The following DNAH1 variants were observed in gnomAD, a reference collection of about 807,000 sequenced individuals.
DNAH1 encodes dynein axonemal heavy chain 1.
Under a neutral mutation model 484.3 loss-of-function variants are expected in DNAH1, and 327 were observed. The observed-to-expected ratio is 0.68, with a 90% CI of 0.62 to 0.74. The LOEUF (loss-of-function observed/expected upper bound fraction) is 0.74, where lower values mean the gene tolerates loss of function less well. Among genes scored for constraint, DNAH1 ranks in the 30% least tolerant of loss-of-function variants. DNAH1 has a pLI of 0.00. For synonymous variants in DNAH1, 2,192 were observed against 2,191.9 expected (o/e 1.00, Z 0.00); for missense variants, 5,052 against 5,546.8 (o/e 0.91, Z 2.83).
chr3:52,320,609 T>C (rs1463371109), intron 1 of DNAH1, among the ~76,000 whole-genome samples: 1 of 152,164 alleles, frequency 6.6e-6, no homozygotes, highest in African/African-American at 2.4e-5. Context: ...CCCCCTGCCA[T>C]GATCCATCAG....
chr3:52,373,673 AAAG>A, intron 44 of DNAH1: 3 of 1,400,560 alleles, frequency 2.1e-6, no homozygotes, highest in South Asian at 2.3e-5. Context: ...CTGCTGATCA[AAAG>A]AAGTTTTTTA....
Position 52,372,969 on chromosome 3 carries a change from C to G in DNAH1, c.6901C>G (p.Leu2301Val). Residue 2301 changes from leucine to valine, a missense_variant, in exon 44 of 78, where the codon CTG (leucine) becomes GTG (valine). By Grantham distance (32) the Leu-to-Val change is conservative. This residue lies in a region of DNAH1 where 2,929 missense variants were observed against 3,409.4 expected (regional missense o/e 0.86). Transcript: ENST00000420323. ...FFIDDLNMPA[L>V]ETYGAQPPIE... is the part of the protein sequence containing the mutation. ...CATCGATGACCTGAACATGCCGGCC[C>G]TGGAGACCTACGGTGCACAGCCACC... is the stretch of plus-strand genomic sequence containing the variant. The G allele has an allele frequency of 6.2e-7, 1 of 1,613,864 alleles. No individual in the cohort carries two copies. The highest frequency in any genetic ancestry group is 8.5e-7 in the Non-Finnish European group (1 of 1,179,876).
chr3:52,311,272 C>T, the DNAH1 span, among the ~76,000 whole-genome samples: 1 of 152,232 alleles, frequency 6.6e-6, no homozygotes, highest in Non-Finnish European at 1.5e-5. Flanking sequence ...CTGGCTCTGC[C>T]ACTGGCTCAC....
Position 52,382,957 on chromosome 3 carries a change from C to T in DNAH1, c.7942-429C>T, listed in dbSNP as rs144478045. Among the ~76,000 whole-genome samples, 571 of 152,344 alleles carry T rather than the reference C, an allele frequency of 3.7e-3. 4 individuals are homozygous for T. The highest frequency in any genetic ancestry group is 0.023 in the South Asian group (112 of 4,832). Reference sequence around the variant, plus strand: ...TCCTAGACAAAGGCCCCTCTGCTCCCAGCCCTGTCCCAACCCCAGAGCTCC... The same window carrying T: ...TCCTAGACAAAGGCCCCTCTGCTCCTAGCCCTGTCCCAACCCCAGAGCTCC... On this transcript the variant is annotated intron_variant, in intron 50 of 77. Transcript: ENST00000420323.
chr3:52,397,051 C>A lies in DNAH1; in HGVS notation c.11787+7C>A. Reference sequence around the variant, plus strand: ...GCCTACCTACGACCTCCACGTGAGTCCAGCCCAAAGGGCTGCACAGGAGGG... The same window carrying A: ...GCCTACCTACGACCTCCACGTGAGTACAGCCCAAAGGGCTGCACAGGAGGG... On this transcript the variant is annotated splice_region_variant and intron_variant, in intron 73 of 77. Transcript: ENST00000420323. 2 of 1,596,104 alleles carry A rather than the reference C, an allele frequency of 1.3e-6. No homozygotes were observed. Among genetic ancestry groups the A allele is most frequent in the South Asian group, 1.1e-5 (1 of 88,670 alleles).
intron 51 of DNAH1, 22 bp downstream of exon 51, chr3:52,383,616 C>A: frequency 1.3e-6 from 2 of 1,544,712 alleles, no homozygotes; most frequent in South Asian, 1.2e-5. Flanking sequence ...TGTCGCCAGG[C>A]TGCGCTGGGG....
At chr3:52,314,830 G>A (rs910920713), upstream of DNAH1, among the ~76,000 whole-genome samples, 3 of 152,134 alleles carry the variant, frequency 2.0e-5, no homozygotes, top group Admixed American at 6.6e-5. Context: ...AAGAGGCTCC[G>A]GCAGGGAGGC....
chr3:52,316,075 T>G (rs779957152), upstream of DNAH1, among the ~76,000 whole-genome samples: 6 of 151,622 alleles, frequency 4.0e-5, no homozygotes, highest in Non-Finnish European at 5.9e-5. Flanking sequence ...CTCCTGAGAG[T>G]GGACCCTTTC....
At chr3:52,324,654 C>T (rs931994974) in intron 3 of DNAH1, among the ~76,000 whole-genome samples, 1 of 152,134 alleles carries the variant, frequency 6.6e-6, no homozygotes, top group African/African-American at 2.4e-5. Flanking sequence ...GAAAACATCA[C>T]GAGCATGTAC....
chr3:52,358,902 T>C lies in DNAH1; in HGVS notation c.4266+165T>C. Reference sequence around the variant, plus strand: ...TCCTTTCCACACACACTCCAGAAAGTGGGACTCACTCCTAATCATCGGGAT... The same window carrying C: ...TCCTTTCCACACACACTCCAGAAAGCGGGACTCACTCCTAATCATCGGGAT... On this transcript the variant is annotated intron_variant, in intron 25 of 77. Transcript: ENST00000420323. This position sits in a 1 kb window ranked among gnomAD's most constrained non-coding sequence, Gnocchi z 4.2. Among the ~76,000 whole-genome samples the C allele has an allele frequency of 6.6e-6, 1 of 152,074 alleles. No individual in the cohort carries two copies. Among genetic ancestry groups the C allele is most frequent in the Non-Finnish European group, 1.5e-5 (1 of 68,012 alleles).
chr3:52,354,858 GAGA>G lies in DNAH1; in HGVS notation c.3499_3501del (p.Lys1167del). The G allele has an allele frequency of 6.2e-7, 1 of 1,613,716 alleles. No individual in the cohort carries two copies. The highest frequency in any genetic ancestry group is 8.5e-7 in the Non-Finnish European group (1 of 1,179,886). On this transcript the variant is annotated inframe_deletion, in exon 21 of 78. Transcript: ENST00000420323. The stretch of plus-strand genomic sequence containing the variant: ...CCGACCCCAGGCACTGGACAAGATG[GAGA>G]AGGAGTGGTCGACCATCCTGTTCAA...
Position 52,358,678 on chromosome 3 carries a change from C to G in DNAH1, c.4207C>G (p.Arg1403Gly), listed in dbSNP as rs763267782. ...GGAGGACTGGCTGCGGGAGGTGGAG[C>G]GCAGCATGAAGGCCAGTGTGCACGA... ...NVEDWLREVE[R>G]SMKASVHDII... Residue 1403 changes from arginine to glycine, a missense_variant, in exon 25 of 78, where the codon CGC becomes GGC. Arg to Gly is a moderately radical substitution (Grantham distance 125). Coordinates refer to ENST00000420323, the MANE Select transcript of DNAH1 (RefSeq NM_015512.5). This position sits in a 1 kb window ranked among gnomAD's most constrained non-coding sequence, Gnocchi z 4.2. The G allele has an allele frequency of 6.2e-7, 1 of 1,612,854 alleles. No homozygotes were observed. The highest frequency in any genetic ancestry group is 1.7e-5 in the Admixed American group (1 of 59,964).
rs371394300 is a variant in DNAH1, at chr3:52,388,863, C to A, written c.9421C>A (p.Gln3141Lys). ...CTGGCAGGAGACGGTGGAGAACCTGCAGTACATGCTCAACAACATCTCCGG... is the reference window on the plus strand; with the variant it reads ...CTGGCAGGAGACGGTGGAGAACCTGAAGTACATGCTCAACAACATCTCCGG... ...VRWQETVENL[Q>K]YMLNNISGDV... is the part of the protein sequence containing the mutation. The change falls in exon 59 of 78, where the codon CAG becomes AAG. Residue 3141 changes from glutamine (Q) to lysine (K), a missense_variant. This residue lies in a region of DNAH1 where 2,929 missense variants were observed against 3,409.4 expected (regional missense o/e 0.86). Transcript: ENST00000420323. 3 of 1,613,830 alleles carry A rather than the reference C, an allele frequency of 1.9e-6. No individual in the cohort carries two copies. Among genetic ancestry groups the A allele is most frequent in the Non-Finnish European group, 2.5e-6 (3 of 1,179,872 alleles).
chr3:52,388,917 G>A lies in DNAH1; in HGVS notation c.9475G>A (p.Ala3159Thr). 1.2e-6 allele frequency: 2 copies of A among 1,604,664 alleles called. No homozygotes were observed. Among genetic ancestry groups the A allele is most frequent in the South Asian group, 1.1e-5 (1 of 90,486 alleles). ...TGTCCTGGTGGCCGCTGGCTTTGTG[G>A]CCTACCTGGGCCCCTTCACGGTAAG... Reference protein sequence around the residue: ...GDVLVAAGFVAYLGPFTGQYR... With the variant: ...GDVLVAAGFVTYLGPFTGQYR... The change falls in exon 59 of 78, where the codon GCC (alanine) becomes ACC (threonine). Residue 3159 changes from alanine (A) to threonine (T), a missense_variant. Around this residue, in one of 4 missense-constraint regions of DNAH1, gnomAD observed 2,929 missense variants for 3,409.4 expected, o/e 0.86. Coordinates refer to ENST00000420323, the MANE Select transcript of DNAH1 (RefSeq NM_015512.5).
chr3:52,349,032 T>C lies in DNAH1; in HGVS notation c.2251T>C (p.Tyr751His), dbSNP rs761913643. The C allele has an allele frequency of 2.5e-6, 4 of 1,612,710 alleles. No individual in the cohort carries two copies. In the African/African-American group the frequency reaches 4.0e-5, roughly 16 times the overall value. ...MIPLQAYAKE[Y>H]RKYLELNNND... ...CCCACTGCAGGCCTACGCCAAGGAG[T>C]ACCGAAAGTACCTGGAGCTGAACAA... The change falls in exon 13 of 78, where the codon TAC becomes CAC. Residue 751 changes from tyrosine to histidine, a missense_variant. Physicochemically the swap from Tyr to His is moderately conservative, Grantham distance 83. Transcript: ENST00000420323.
intron 32 of DNAH1, among the ~76,000 whole-genome samples, chr3:52,363,868 A>G (rs942592175): frequency 6.6e-6 from 1 of 152,150 alleles, no homozygotes; most frequent in Non-Finnish European, 1.5e-5. Context: ...GCTAGAAGAG[A>G]TGCAGCCTGT....
chr3:52,326,085 G>T, intron 3 of DNAH1, 55 bp from the exon 4 acceptor site: 1 of 1,417,000 alleles, frequency 7.1e-7, no homozygotes, highest in Non-Finnish European at 9.3e-7. Context: ...GGTGGAGGCT[G>T]GTTTTTGGGT....
upstream of DNAH1, among the ~76,000 whole-genome samples, chr3:52,312,138 C>T (rs1700790319): frequency 6.6e-6 from 1 of 152,178 alleles, no homozygotes; most frequent in African/African-American, 2.4e-5. Flanking sequence ...GCTGCCAAGC[C>T]AGCTCTGCCT....
chr3:52,385,241 C>T, intron 53 of DNAH1, 96 bp from the exon 54 acceptor site: 1 of 1,297,238 alleles, frequency 7.7e-7, no homozygotes, highest in East Asian at 2.5e-5. Flanking sequence ...AGCTGCCGGC[C>T]ACAGCTTCTC....
Sources: gnomAD v4.1 joint callset for allele counts (sites outside exome capture counted in the v4.1 genomes callset) on GRCh38, gnomAD v4.1.1 for gene constraint, gnomAD v4.1.1 regional missense constraint, Gnocchi (gnomAD v3.1) non-coding constraint, MANE v1.5 for transcripts, NCBI Gene and HGNC (gene_info 2026-07-23, HGNC 2026-07-21) for gene names.